Variants in PPP2R3A observed in about 807,000 individuals in gnomAD.
PPP2R3A encodes the protein serine/threonine-protein phosphatase 2A regulatory subunit B'' subunit alpha.
Under a neutral mutation model 106.9 loss-of-function variants are expected in PPP2R3A, and 80 were observed. That is an observed-to-expected ratio of 0.75 (90% CI 0.62 to 0.90). The LOEUF is 0.90. PPP2R3A is among the 40% of genes least tolerant of loss of function. The pLI, the probability that PPP2R3A is intolerant of heterozygous loss-of-function variation, is 0.00. For synonymous variants in PPP2R3A, 483 were observed against 468.3 expected (o/e 1.03, Z -0.41); for missense variants, 1,386 against 1,350.4 (o/e 1.03, Z -0.41).
chr3:136,131,240 T>C (rs1938402733), intron 13 of PPP2R3A, among the ~76,000 whole-genome samples: 1 of 152,058 alleles, frequency 6.6e-6, no homozygotes, highest in African/African-American at 2.4e-5. Context: ...ACCTACAGAA[T>C]GGGAGAAAAT....
rs1000010131 is a variant in PPP2R3A, at chr3:136,144,098, G to A, written c.3330-945G>A. ...TCAGGCAGCCACATCATTTCCAAGAGAAAATATTTCATCTCTGCCTAAAGC... is the reference window on the plus strand; with the variant it reads ...TCAGGCAGCCACATCATTTCCAAGAAAAAATATTTCATCTCTGCCTAAAGC... On this transcript the variant is annotated intron_variant, in intron 13 of 13. Coordinates refer to ENST00000264977, the MANE Select transcript of PPP2R3A (RefSeq NM_002718.5). Among the ~76,000 whole-genome samples the A allele has an allele frequency of 4.6e-5, 7 of 152,316 alleles. No individual in the cohort carries two copies. In the South Asian group the frequency reaches 1.4e-3, roughly 32 times the overall value.
At chr3:136,082,911 G>A (rs866273802) in intron 8 of PPP2R3A, among the ~76,000 whole-genome samples, 55 of 152,166 alleles carry the variant, frequency 3.6e-4, no homozygotes, top group Non-Finnish European at 2.8e-4. Flanking sequence ...TGAATTTTGC[G>A]TGCTTTCTTT....
Position 136,120,368 on chromosome 3 carries a change from AC to A in PPP2R3A, c.3329+14047del, listed in dbSNP as rs1937948762. On this transcript the variant is annotated intron_variant, in intron 13 of 13. Coordinates refer to ENST00000264977, the MANE Select transcript of PPP2R3A (RefSeq NM_002718.5). ...TTTGGGAGGCCAAGGCAGACAGATC[AC>A]TTGAGGTCAGGAGCTCGAGACCAGC... Among the ~76,000 whole-genome samples the A allele has an allele frequency of 2.0e-5, 3 of 152,172 alleles. No homozygotes were observed. In the South Asian group the frequency reaches 6.2e-4, roughly 31 times the overall value.
chr3:136,110,333 G>A (rs1937575198), intron 13 of PPP2R3A, among the ~76,000 whole-genome samples: 1 of 151,974 alleles, frequency 6.6e-6, no homozygotes, highest in Admixed American at 6.6e-5. Flanking sequence ...TATTTTCAAA[G>A]GAATAAGAGA....
chr3:136,005,014 ATCTT>A (rs1351002558), intron 2 of PPP2R3A, among the ~76,000 whole-genome samples: 1 of 152,140 alleles, frequency 6.6e-6, no homozygotes, highest in Admixed American at 6.5e-5. Flanking sequence ...CATCAGATGA[ATCTT>A]TCTTTCCCTG....
intron 1 of PPP2R3A, among the ~76,000 whole-genome samples, chr3:135,985,104 C>T (rs1179909193): frequency 6.6e-6 from 1 of 152,154 alleles, no homozygotes; most frequent in Non-Finnish European, 1.5e-5. Flanking sequence ...AAGGCCAAAC[C>T]ATATCAACCT....
chr3:136,030,208 A>G (rs914101465), intron 3 of PPP2R3A, among the ~76,000 whole-genome samples: 2 of 144,206 alleles, frequency 1.4e-5, no homozygotes, highest in Non-Finnish European at 3.0e-5. Context: ...ACAGAGTGAG[A>G]ACCTGTCTCA....
At chr3:136,137,037 G>A (rs1268648270) in intron 13 of PPP2R3A, among the ~76,000 whole-genome samples, 1 of 152,070 alleles carries the variant, frequency 6.6e-6, no homozygotes, top group East Asian at 1.9e-4. Flanking sequence ...GAAAGACAGG[G>A]TACCAGTTAC....
intron 1 of PPP2R3A, among the ~76,000 whole-genome samples, chr3:135,992,777 G>A (rs191121783): frequency 1.4e-3 from 219 of 152,164 alleles, no homozygotes; most frequent in African/African-American, 4.8e-3. Flanking sequence ...GAGAGGAAGC[G>A]CCAGATAAAG....
intron 6 of PPP2R3A, among the ~76,000 whole-genome samples, chr3:136,070,796 C>T (rs542246017): frequency 1.3e-5 from 2 of 152,254 alleles, no homozygotes; most frequent in Admixed American, 1.3e-4. Flanking sequence ...TCTTATGAGG[C>T]ATATCTTTTT....
intron 4 of PPP2R3A, among the ~76,000 whole-genome samples, chr3:136,045,338 C>T (rs1369013671): frequency 4.6e-5 from 7 of 152,192 alleles, no homozygotes; most frequent in Non-Finnish European, 1.0e-4. Flanking sequence ...TGGTCCCAGG[C>T]CCCCAGGGTT....
At chr3:136,016,333 A>G (rs778131350) in intron 2 of PPP2R3A, among the ~76,000 whole-genome samples, 9 of 152,038 alleles carry the variant, frequency 5.9e-5, no homozygotes, top group Non-Finnish European at 8.8e-5. Context: ...CATTTAGTCC[A>G]TTTGTTCTAG....
Position 136,099,946 on chromosome 3 carries a change from A to G in PPP2R3A, c.2928-2061A>G, listed in dbSNP as rs986345048. The stretch of plus-strand genomic sequence containing the variant: ...AAAAAAAAAAAAAGAGAAGGAGGGA[A>G]AGGGCAGGGAAGAGAGATACAAACA... On this transcript the variant is annotated intron_variant, in intron 10 of 13. Coordinates refer to ENST00000264977, the MANE Select transcript of PPP2R3A (RefSeq NM_002718.5). Among the ~76,000 whole-genome samples, 4 of 151,768 alleles carry G rather than the reference A, an allele frequency of 2.6e-5. No individual in the cohort carries two copies. In the East Asian group the frequency reaches 5.8e-4, roughly 22 times the overall value.
chr3:136,106,768 A>G (rs948651213), intron 13 of PPP2R3A: 8 of 161,372 alleles, frequency 5.0e-5, no homozygotes, highest in Middle Eastern at 3.1e-3. Flanking sequence ...CTAAAAATAC[A>G]AAAAAATTAG....
intron 5 of PPP2R3A, among the ~76,000 whole-genome samples, 163 bp from the exon 6 acceptor site, chr3:136,070,315 G>A (rs1319607086): frequency 6.6e-6 from 1 of 152,150 alleles, no homozygotes; most frequent in African/African-American, 2.4e-5. Flanking sequence ...ACATAAGTAT[G>A]CTTATAATGA....
intron 13 of PPP2R3A, among the ~76,000 whole-genome samples, chr3:136,109,184 G>A (rs899271748): frequency 6.6e-6 from 1 of 151,972 alleles, no homozygotes; most frequent in African/African-American, 2.4e-5. Flanking sequence ...TCATTAGCAG[G>A]GTCTCAACAG....
intron 2 of PPP2R3A, among the ~76,000 whole-genome samples, chr3:136,010,513 G>A (rs1306776677): frequency 1.8e-4 from 23 of 127,862 alleles, no homozygotes; most frequent in Non-Finnish European, 3.1e-4. Context: ...TGCAAGCTCC[G>A]CCTCCCGGGT....
intron 2 of PPP2R3A, among the ~76,000 whole-genome samples, chr3:136,019,784 T>C (rs574073442): frequency 6.6e-6 from 1 of 152,308 alleles, no homozygotes; most frequent in African/African-American, 2.4e-5. Context: ...GGGATCCTGG[T>C]CTTTTTGCCT....
At chr3:136,100,672 G>A (rs928435417) in intron 10 of PPP2R3A, among the ~76,000 whole-genome samples, 2 of 151,666 alleles carry the variant, frequency 1.3e-5, no homozygotes, top group Non-Finnish European at 2.9e-5. Context: ...GTGATAGAGT[G>A]AGATGCCATC....
Sources: gnomAD v4.1 joint callset for allele counts (sites outside exome capture counted in the v4.1 genomes callset) on GRCh38, gnomAD v4.1.1 for gene constraint, MANE v1.5 for transcripts, NCBI Gene and HGNC (gene_info 2026-07-23, HGNC 2026-07-21) for gene names.